COG2: variants seen among roughly 807,000 people sequenced by gnomAD.
COG2 encodes the protein conserved oligomeric Golgi complex subunit 2.
Under a neutral mutation model 90.6 loss-of-function variants are expected in COG2, and 52 were observed. The observed-to-expected ratio is 0.57, with a 90% CI of 0.46 to 0.72. COG2 has a LOEUF of 0.72. Among genes scored for constraint, COG2 ranks in the 30% least tolerant of loss-of-function variants. The pLI, the probability that COG2 is intolerant of heterozygous loss-of-function variation, is 0.00. For synonymous variants in COG2, 337 were observed against 320.4 expected (o/e 1.05, Z -0.55); for missense variants, 829 against 891.2 (o/e 0.93, Z 0.89).
intron 1 of COG2, among the ~76,000 whole-genome samples, chr1:230,657,600 T>G (rs567595360): frequency 1.3e-5 from 2 of 152,342 alleles, no homozygotes; most frequent in East Asian, 3.9e-4. Context: ...TTCCTGAATT[T>G]GAATGTTGAC....
At chr1:230,650,186 A>G (rs1483666426) in intron 1 of COG2, among the ~76,000 whole-genome samples, 1 of 152,212 alleles carries the variant, frequency 6.6e-6, no homozygotes, top group Non-Finnish European at 1.5e-5. Context: ...ATAGGAGTGC[A>G]GGTGTCTTTT....
At chr1:230,654,969 T>C (rs937606348) in intron 1 of COG2, among the ~76,000 whole-genome samples, 32 of 152,234 alleles carry the variant, frequency 2.1e-4, no homozygotes, top group African/African-American at 7.0e-4. Context: ...TTTGCTGAAG[T>C]TGCTTATCAG....
intron 1 of COG2, among the ~76,000 whole-genome samples, chr1:230,648,360 C>G (rs1266866136): frequency 6.6e-6 from 1 of 152,240 alleles, no homozygotes; most frequent in Non-Finnish European, 1.5e-5. Context: ...GCTGACCTTA[C>G]AGGTTCATGG....
intron 16 of COG2, among the ~76,000 whole-genome samples, chr1:230,691,065 G>A (rs1477465554): frequency 6.6e-6 from 1 of 151,994 alleles, no homozygotes; most frequent in Non-Finnish European, 1.5e-5. Context: ...TTGGTCTATA[G>A]TTTTCTCCAT....
intron 1 of COG2, among the ~76,000 whole-genome samples, chr1:230,647,260 G>T (rs1408719831): frequency 6.6e-6 from 1 of 152,016 alleles, no homozygotes; most frequent in African/African-American, 2.4e-5. Context: ...ATAGAGTTGG[G>T]TACTATCTGT....
In COG2 at chr1:230,693,526, AACACGCCC is replaced by A. The variant is rs1396618275; in HGVS notation, c.*135_*142del. 5.2e-6 allele frequency: 3 copies of A among 576,936 alleles called. No individual in the cohort carries two copies. Among genetic ancestry groups the A allele is most frequent in the East Asian group, 5.9e-5 (2 of 33,662 alleles). The allele number at this position is 576,936 out of a possible 1,614,324, so 35.7% of individuals were successfully genotyped here. A position where few individuals can be genotyped will look rare whatever the true frequency, so the allele number is the denominator to read the frequency against. ...GAAGTGCTTCCAGCATCACTCCAGCAACACGCCCATGCGTCTTCTCTCAGCGTATTTGG... is the reference window on the plus strand; with the variant it reads ...GAAGTGCTTCCAGCATCACTCCAGCAATGCGTCTTCTCTCAGCGTATTTGG... On this transcript the variant is annotated 3_prime_UTR_variant, in exon 18 of 18. Coordinates refer to ENST00000366669, the MANE Select transcript of COG2 (RefSeq NM_007357.3).
chr1:230,692,932 A>G (rs976860641), intron 17 of COG2, among the ~76,000 whole-genome samples: 1 of 152,168 alleles, frequency 6.6e-6, no homozygotes, highest in Non-Finnish European at 1.5e-5. Flanking sequence ...TAAGAAACTA[A>G]GAGCACAGAC....
chr1:230,672,979 A>G (rs1662490231), intron 8 of COG2, among the ~76,000 whole-genome samples: 1 of 152,216 alleles, frequency 6.6e-6, no homozygotes, highest in Non-Finnish European at 1.5e-5. Context: ...GGTAATTAAT[A>G]TGCTGCTTGG....
At chr1:230,675,181 T>TA in intron 9 of COG2, 57 bp downstream of exon 9, 1 of 1,559,982 alleles carries the variant, frequency 6.4e-7, no homozygotes, top group Non-Finnish European at 8.7e-7. Flanking sequence ...ACTGGAGAAA[T>TA]ATCATGTTCT....
intron 1 of COG2, among the ~76,000 whole-genome samples, chr1:230,647,903 C>G (rs142995132): frequency 2.5e-4 from 38 of 151,912 alleles, no homozygotes; most frequent in African/African-American, 8.5e-4. Flanking sequence ...GTGGAATGCT[C>G]GGATACAGAG....
intron 1 of COG2, chr1:230,642,961 G>C: frequency 2.2e-6 from 1 of 448,318 alleles, no homozygotes. Flanking sequence ...ACCCGTTCCT[G>C]TTACCATGCA....
At chr1:230,647,148 C>G (rs1167821642) in intron 1 of COG2, among the ~76,000 whole-genome samples, 1 of 152,108 alleles carries the variant, frequency 6.6e-6, no homozygotes, top group African/African-American at 2.4e-5. Flanking sequence ...AAAGCATTTT[C>G]CAGAACACTT....
At chr1:230,650,994 AACAC>A (rs1185295276) in intron 1 of COG2, among the ~76,000 whole-genome samples, 1 of 152,172 alleles carries the variant, frequency 6.6e-6, no homozygotes, top group Non-Finnish European at 1.5e-5. Flanking sequence ...AATGGTTTGA[AACAC>A]ACAGACATAC....
In COG2 at chr1:230,663,250, G is replaced by A. The variant is rs200707737; in HGVS notation, c.381+29G>A. On this transcript the variant is annotated intron_variant, in intron 4 of 17. Transcript: ENST00000366669. Reference sequence around the variant, plus strand: ...TACTCAAATATTACAATATTAAATCGTTGATTCACTGTAGCACCTTGTAGT... The same window carrying A: ...TACTCAAATATTACAATATTAAATCATTGATTCACTGTAGCACCTTGTAGT... 7.6e-6 allele frequency: 12 copies of A among 1,568,684 alleles called. No homozygotes were observed. In the Admixed American group the frequency reaches 8.5e-5, roughly 11 times the overall value.
At chr1:230,663,264 G>A (rs970843117) in intron 4 of COG2, 43 bp downstream of exon 4, 1 of 1,489,386 alleles carries the variant, frequency 6.7e-7, no homozygotes, top group Non-Finnish European at 9.3e-7. Context: ...ATTCACTGTA[G>A]CACCTTGTAG....
intron 1 of COG2, among the ~76,000 whole-genome samples, chr1:230,648,489 G>A (rs937384254): frequency 6.6e-6 from 1 of 152,334 alleles, no homozygotes; most frequent in Non-Finnish European, 1.5e-5. Context: ...CATGTGGAGC[G>A]ATTTCCTAAT....
intron 1 of COG2, among the ~76,000 whole-genome samples, chr1:230,655,529 T>C (rs1316781450): frequency 1.3e-5 from 2 of 152,256 alleles, no homozygotes; most frequent in African/African-American, 4.8e-5. Context: ...TTTGCATTGA[T>C]GTTCATCAGA....
chr1:230,649,274 G>A (rs889291502), intron 1 of COG2, among the ~76,000 whole-genome samples: 6 of 152,164 alleles, frequency 3.9e-5, no homozygotes, highest in African/African-American at 1.4e-4. Context: ...GAAGACACGA[G>A]TTCCAGACTA....
intron 8 of COG2, among the ~76,000 whole-genome samples, chr1:230,673,333 C>A (rs1662502757): frequency 3.3e-5 from 5 of 152,198 alleles, no homozygotes. Context: ...TTCTGCATAT[C>A]CCTTTCCTTC....
Sources: allele counts gnomAD v4.1 joint callset (sites outside exome capture counted in the v4.1 genomes callset), GRCh38; gene constraint gnomAD v4.1.1; transcripts MANE v1.5; gene names NCBI Gene and HGNC (gene_info 2026-07-23, HGNC 2026-07-21).